Variants in FOXP2 observed in about 807,000 individuals in gnomAD.
The protein encoded by FOXP2 is forkhead box P2, also known as forkhead box protein P2.
In FOXP2, 12 loss-of-function variants were observed where a neutral mutation model predicts 115.8. The ratio of observed to expected loss-of-function variants is 0.10; its 90% CI spans 0.07 to 0.17. The LOEUF (loss-of-function observed/expected upper bound fraction) is 0.17, where lower values mean the gene tolerates loss of function less well. FOXP2 is among the 10% of genes least tolerant of loss of function. The pLI, the probability that FOXP2 is intolerant of heterozygous loss-of-function variation, is 1.00. For synonymous variants in FOXP2, 328 were observed against 297.7 expected (o/e 1.10, Z -1.05); for missense variants, 629 against 843.5 (o/e 0.75, Z 3.15).
At chr7:114,502,489 A>G (rs1797610540) in intron 2 of FOXP2, among the ~76,000 whole-genome samples, 1 of 152,056 alleles carries the variant, frequency 6.6e-6, no homozygotes, top group Admixed American at 6.6e-5. Flanking sequence ...AACAATTTTT[A>G]TGGAAGGCTG....
In FOXP2 at chr7:114,631,586, A is replaced by G; in HGVS notation, c.656A>G (p.Gln219Arg). ...QLAAQQLVFQ[Q>R]QLLQMQQLQQ... The stretch of plus-strand genomic sequence containing the variant: ...GCAGCCCAGCAGCTTGTCTTCCAGC[A>G]GCAGCTTCTCCAGATGCAACAACTC... Residue 219 changes from glutamine (Q) to arginine (R), a missense_variant, in exon 6 of 17, where the codon CAG (glutamine) becomes CGG (arginine). By Grantham distance (43) the Gln-to-Arg change is conservative (BLOSUM62 1). This residue lies in a region of FOXP2 where 138 missense variants were observed against 205.1 expected (regional missense o/e 0.67). Coordinates refer to ENST00000350908, the MANE Select transcript of FOXP2 (RefSeq NM_014491.4). 1 of 1,608,200 alleles carries G rather than the reference A, an allele frequency of 6.2e-7. No individual in the cohort carries two copies. The highest frequency in any genetic ancestry group is 8.5e-7 in the Non-Finnish European group (1 of 1,177,120).
chr7:114,352,785 C>T (rs1278825313), intron 2 of FOXP2, among the ~76,000 whole-genome samples: 1 of 151,754 alleles, frequency 6.6e-6, no homozygotes. Flanking sequence ...GTTAGGACTT[C>T]AACTATAATT....
chr7:114,419,732 A>C (rs2129201939), intron 1 of FOXP2: 1 of 152,378 alleles, frequency 6.6e-6, no homozygotes, highest in Non-Finnish European at 1.5e-5. Flanking sequence ...ACACACACAC[A>C]CACACACACA....
At chr7:114,594,922 AAAAG>A (rs1463350917) in intron 3 of FOXP2, among the ~76,000 whole-genome samples, 2 of 152,164 alleles carry the variant, frequency 1.3e-5, no homozygotes, top group Admixed American at 6.6e-5. Context: ...TGCTTGTGGA[AAAAG>A]AAAGAGTCAG....
At chr7:114,318,710 C>CATATATATATATATATATAT (rs144291161) in intron 2 of FOXP2, among the ~76,000 whole-genome samples, 82 of 147,410 alleles carry the variant, frequency 5.6e-4, no homozygotes, top group African/African-American at 2.0e-3. Flanking sequence ...TTAGATAATT[C>CATATATATATATATATATAT]ATATATATAT....
intron 2 of FOXP2, among the ~76,000 whole-genome samples, chr7:114,401,419 A>T (rs1792884324): frequency 6.6e-6 from 1 of 152,082 alleles, no homozygotes; most frequent in African/African-American, 2.4e-5. Flanking sequence ...GTTATCTCCT[A>T]CTTGTCTTTT....
intron 1 of FOXP2, among the ~76,000 whole-genome samples, chr7:114,215,421 G>T (rs962086167): frequency 6.6e-6 from 1 of 151,940 alleles, no homozygotes; most frequent in Non-Finnish European, 1.5e-5. Flanking sequence ...GCATATTTCT[G>T]TATGCCAGAT....
intron 1 of FOXP2, among the ~76,000 whole-genome samples, chr7:114,194,152 G>A (rs1018286179): frequency 6.6e-6 from 1 of 152,078 alleles, no homozygotes; most frequent in Non-Finnish European, 1.5e-5. Context: ...TCCCATTAAT[G>A]TGCTTTAAAA....
At chr7:114,351,775 G>T (rs1791495799) in intron 2 of FOXP2, among the ~76,000 whole-genome samples, 1 of 151,970 alleles carries the variant, frequency 6.6e-6, no homozygotes, top group East Asian at 1.9e-4. Flanking sequence ...TTATTATGGA[G>T]ATGCTTGAAA....
At chr7:114,255,572 G>A (rs1446695597) in intron 1 of FOXP2, among the ~76,000 whole-genome samples, 1 of 152,228 alleles carries the variant, frequency 6.6e-6, no homozygotes. Flanking sequence ...GAGGATCCGT[G>A]GGCGTGGGAC....
intron 1 of FOXP2, among the ~76,000 whole-genome samples, chr7:114,182,069 A>C (rs978133498): frequency 2.0e-5 from 3 of 151,966 alleles, no homozygotes; most frequent in Non-Finnish European, 4.4e-5. Flanking sequence ...ATTCCCCTCA[A>C]CCTGATTGTT....
chr7:114,436,080 G>T (rs1256439913), intron 2 of FOXP2, among the ~76,000 whole-genome samples: 1 of 152,118 alleles, frequency 6.6e-6, no homozygotes. Flanking sequence ...GTTTTGAAAG[G>T]TGATTAAAAG....
intron 9 of FOXP2, among the ~76,000 whole-genome samples, chr7:114,653,029 A>T (rs923519904): frequency 4.6e-5 from 7 of 152,248 alleles, no homozygotes; most frequent in African/African-American, 1.7e-4. Context: ...CTTAAAGATG[A>T]TCTTTTCTCA....
intron 2 of FOXP2, among the ~76,000 whole-genome samples, chr7:114,384,958 T>G (rs1792405727): frequency 6.6e-6 from 1 of 151,960 alleles, no homozygotes. Flanking sequence ...TACCCTGACT[T>G]TTAAAGGAAT....
chr7:114,421,771 T>C (rs1455049197), intron 1 of FOXP2, among the ~76,000 whole-genome samples: 2 of 151,740 alleles, frequency 1.3e-5, no homozygotes, highest in African/African-American at 4.8e-5. Context: ...CCTTCATATT[T>C]GGCATTTTGA....
chr7:114,196,326 AC>A (rs1793907408), intron 1 of FOXP2, among the ~76,000 whole-genome samples: 1 of 152,172 alleles, frequency 6.6e-6, no homozygotes, highest in South Asian at 2.1e-4. Flanking sequence ...TTTTAAAAGG[AC>A]CTTTTATTAA....
At position 114,691,790 on chromosome 7, in the gene FOXP2, ATCATTGAT is replaced by A. The variant is rs1014813935; in HGVS notation, c.*1867_*1874del. ...GAACCGGTTCTTGCAAACTAAGCTC[ATCATTGAT>A]TCTTTGCTGAAGTCAGCAAATAGAG... On this transcript the variant is annotated 3_prime_UTR_variant, in exon 17 of 17. Transcript: ENST00000350908. The A allele has an allele frequency of 2.2e-6, 1 of 453,410 alleles. No homozygotes were observed. Among genetic ancestry groups the A allele is most frequent in the Non-Finnish European group, 4.4e-6 (1 of 226,410 alleles). The allele number at this position is 453,410 out of a possible 1,614,324, so 28.1% of individuals were successfully genotyped here. A position where few individuals can be genotyped will look rare whatever the true frequency, so the allele number is the denominator to read the frequency against.
chr7:114,627,749 T>C (rs1804674249), intron 3 of FOXP2, among the ~76,000 whole-genome samples: 1 of 152,164 alleles, frequency 6.6e-6, no homozygotes, highest in Admixed American at 6.6e-5. Context: ...GTAAATTACT[T>C]TTATTATTTT....
At chr7:114,646,826 CA>C (rs199564454) in intron 8 of FOXP2, among the ~76,000 whole-genome samples, 2,245 of 151,822 alleles carry the variant, frequency 0.015, 54 homozygotes, top group African/African-American at 0.052. Context: ...TTCGGTTATT[CA>C]AAAAAAGTTT....
Sources: gnomAD v4.1 joint callset for allele counts (sites outside exome capture counted in the v4.1 genomes callset) on GRCh38, gnomAD v4.1.1 for gene constraint, gnomAD v4.1.1 regional missense constraint, MANE v1.5 for transcripts, NCBI Gene and HGNC (gene_info 2026-07-23, HGNC 2026-07-21) for gene names.